The following SLC24A3 variants were observed in gnomAD, a reference collection of about 807,000 sequenced individuals.
The protein encoded by SLC24A3 is sodium/potassium/calcium exchanger 3.
Under a neutral mutation model 75.8 loss-of-function variants are expected in SLC24A3, and 28 were observed. The ratio of observed to expected loss-of-function variants is 0.37; its 90% CI spans 0.27 to 0.51. SLC24A3 has a LOEUF of 0.51. Ranked by LOEUF, SLC24A3 falls within the 20% of genes least tolerant of loss-of-function variation. The pLI, the probability that SLC24A3 is intolerant of heterozygous loss-of-function variation, is 0.94. For synonymous variants in SLC24A3, 372 were observed against 334.1 expected, an observed-to-expected ratio of 1.11 and a Z score of -1.24; for missense variants, 663 against 847.8, an observed-to-expected ratio of 0.78 and a Z score of 2.71.
At chr20:19,294,127 G>A (rs1033990622) in intron 2 of SLC24A3, among the ~76,000 whole-genome samples, 9 of 151,948 alleles carry the variant, frequency 5.9e-5, no homozygotes, top group African/African-American at 2.2e-4. Context: ...GCAAATTTAA[G>A]TTTTGCTTTT....
intron 2 of SLC24A3, among the ~76,000 whole-genome samples, chr20:19,433,944 T>TG (rs1987150686): frequency 6.6e-6 from 1 of 152,144 alleles, no homozygotes; most frequent in South Asian, 2.1e-4. Context: ...ATAAAGGAGA[T>TG]GGTTGGGTGT....
chr20:19,644,114 A>G (rs1049858343), intron 6 of SLC24A3, among the ~76,000 whole-genome samples: 7 of 152,140 alleles, frequency 4.6e-5, no homozygotes, highest in African/African-American at 1.4e-4. Flanking sequence ...GAAGCCCCAA[A>G]CAAGTGGTGC....
chr20:19,668,965 G>A (rs2032431926), intron 8 of SLC24A3, among the ~76,000 whole-genome samples: 2 of 152,162 alleles, frequency 1.3e-5, no homozygotes, highest in South Asian at 4.1e-4. Context: ...CTTCCACCTT[G>A]CATCTCTTTG....
intron 2 of SLC24A3, among the ~76,000 whole-genome samples, chr20:19,327,913 G>A (rs1369763822): frequency 6.6e-6 from 1 of 152,180 alleles, no homozygotes; most frequent in Non-Finnish European, 1.5e-5. Context: ...CATTGGGGTG[G>A]TGGGGGCTGG....
intron 2 of SLC24A3, among the ~76,000 whole-genome samples, chr20:19,425,981 G>C (rs1324991836): frequency 6.6e-6 from 1 of 152,112 alleles, no homozygotes; most frequent in Non-Finnish European, 1.5e-5. Flanking sequence ...CTTTTCCAGA[G>C]AGCCCTAGTT....
chr20:19,661,000 C>T (rs2032320327), intron 7 of SLC24A3, among the ~76,000 whole-genome samples: 2 of 152,322 alleles, frequency 1.3e-5, no homozygotes, highest in Middle Eastern at 3.4e-3. Context: ...AGGCCGGTTA[C>T]ACTCTCATTT....
chr20:19,239,441 T>C (rs1982270728), intron 1 of SLC24A3, among the ~76,000 whole-genome samples: 1 of 152,214 alleles, frequency 6.6e-6, no homozygotes, highest in African/African-American at 2.4e-5. Context: ...CAGGGCTCGC[T>C]GCTCACCTGA....
chr20:19,231,839 A>G (rs1982031454), intron 1 of SLC24A3, among the ~76,000 whole-genome samples: 1 of 152,220 alleles, frequency 6.6e-6, no homozygotes, highest in Admixed American at 6.5e-5. Flanking sequence ...CTGTGTGTGC[A>G]CACCCACCAC....
chr20:19,472,316 G>A (rs547104215), intron 2 of SLC24A3, among the ~76,000 whole-genome samples: 50 of 152,360 alleles, frequency 3.3e-4, no homozygotes, highest in South Asian at 1.7e-3. Context: ...CCAGTGAGGC[G>A]TTTTAAAACT....
chr20:19,373,415 C>A (rs1011702105), intron 2 of SLC24A3, among the ~76,000 whole-genome samples: 1 of 152,172 alleles, frequency 6.6e-6, no homozygotes, highest in African/African-American at 2.4e-5. Flanking sequence ...CATTCGAGAA[C>A]CCTTTTCTCT....
intron 2 of SLC24A3, among the ~76,000 whole-genome samples, chr20:19,386,791 G>C (rs1368787000): frequency 6.6e-6 from 1 of 152,024 alleles, no homozygotes; most frequent in African/African-American, 2.4e-5. Flanking sequence ...TAATCTTTTT[G>C]ATGTGTTGTT....
chr20:19,398,241 G>T (rs1986491075), intron 2 of SLC24A3, among the ~76,000 whole-genome samples: 1 of 151,994 alleles, frequency 6.6e-6, no homozygotes, highest in Admixed American at 6.6e-5. Context: ...GATTGGGATT[G>T]TGTTGAATCT....
At chr20:19,270,363 G>A (rs1399925090) in intron 1 of SLC24A3, among the ~76,000 whole-genome samples, 1 of 152,086 alleles carries the variant, frequency 6.6e-6, no homozygotes, top group African/African-American at 2.4e-5. Context: ...ATGCATGCAT[G>A]CTCTTTAGAG....
Position 19,265,125 on chromosome 20 carries a change from A to G in SLC24A3, c.143-15834A>G, listed in dbSNP as rs575482754. Among the ~76,000 whole-genome samples the G allele has an allele frequency of 5.9e-5, 9 of 152,254 alleles. No homozygotes were observed. The East Asian group carries it at 1.7e-3, about 29-fold the overall frequency. Reference sequence around the variant, plus strand: ...CGTAAAGCATTACTGCACTACTACAATGACATCTGAGGCTTTTGTTTGTGT... The same window carrying G: ...CGTAAAGCATTACTGCACTACTACAGTGACATCTGAGGCTTTTGTTTGTGT... On this transcript the variant is annotated intron_variant, in intron 1 of 16. Transcript: ENST00000328041.
chr20:19,389,894 TATCCTTTCTTC>T (rs1335050422), intron 2 of SLC24A3, among the ~76,000 whole-genome samples: 1 of 152,204 alleles, frequency 6.6e-6, no homozygotes, highest in African/African-American at 2.4e-5. Flanking sequence ...ATAAATCCCA[TATCCTTTCTTC>T]ACTCTTTAAA....
At chr20:19,420,573 G>A (rs1387685887) in intron 2 of SLC24A3, among the ~76,000 whole-genome samples, 2 of 123,938 alleles carry the variant, frequency 1.6e-5, no homozygotes, top group Non-Finnish European at 3.3e-5. Context: ...AATCAATATC[G>A]TGAAAATGGC....
intron 6 of SLC24A3, among the ~76,000 whole-genome samples, chr20:19,639,816 C>T (rs1375244828): frequency 2.0e-5 from 3 of 152,252 alleles, no homozygotes; most frequent in African/African-American, 7.2e-5. Flanking sequence ...TAGACAGCAG[C>T]GCCGGTGGGC....
At chr20:19,463,680 A>C (rs531184777) in intron 2 of SLC24A3, among the ~76,000 whole-genome samples, 1 of 152,310 alleles carries the variant, frequency 6.6e-6, no homozygotes, top group Admixed American at 6.5e-5. Context: ...CAGGATGTGC[A>C]CACAGGAGCC....
intron 2 of SLC24A3, among the ~76,000 whole-genome samples, chr20:19,388,537 C>T (rs4814848): frequency 0.3 from 45,128 of 152,106 alleles, 8,011 homozygotes; most frequent in Middle Eastern, 0.51. Flanking sequence ...CGGTGAAACC[C>T]CATCTCTACT....
Sources: allele counts gnomAD v4.1 joint callset (sites outside exome capture counted in the v4.1 genomes callset), GRCh38; gene constraint gnomAD v4.1.1; transcripts MANE v1.5; gene names NCBI Gene and HGNC (gene_info 2026-07-23, HGNC 2026-07-21).